PLXDC2: variants seen among roughly 807,000 people sequenced by gnomAD.
PLXDC2 encodes the protein plexin domain-containing protein 2.
Under a neutral mutation model 68.9 loss-of-function variants are expected in PLXDC2, and 40 were observed. That is an observed-to-expected ratio of 0.58 (90% CI 0.45 to 0.76). The LOEUF (loss-of-function observed/expected upper bound fraction) is 0.76, where lower values mean the gene tolerates loss of function less well. Among genes scored for constraint, PLXDC2 ranks in the 30% least tolerant of loss-of-function variants. The pLI is 0.00. For missense variants in PLXDC2, 644 were observed against 661.9 expected (o/e 0.97, Z 0.30); for synonymous variants, 243 against 234.2 (o/e 1.04, Z -0.34).
intron 1 of PLXDC2, among the ~76,000 whole-genome samples, chr10:19,993,797 T>A (rs1834793291): frequency 6.6e-6 from 1 of 152,186 alleles, no homozygotes; most frequent in African/African-American, 2.4e-5. Context: ...ATTTTTTAAA[T>A]TGCCAAATGT....
chr10:19,967,723 C>A (rs1453209956), intron 1 of PLXDC2, among the ~76,000 whole-genome samples: 1 of 152,154 alleles, frequency 6.6e-6, no homozygotes, highest in Non-Finnish European at 1.5e-5. Flanking sequence ...AGCAGCACGA[C>A]TTGCTTTCTT....
At chr10:19,898,991 A>G (rs1838112784) in intron 1 of PLXDC2, among the ~76,000 whole-genome samples, 1 of 152,214 alleles carries the variant, frequency 6.6e-6, no homozygotes, top group Non-Finnish European at 1.5e-5. Flanking sequence ...GAATACAAAA[A>G]GAGAAATAGA....
At chr10:20,213,471 A>T (rs1477036014) in intron 10 of PLXDC2, among the ~76,000 whole-genome samples, 1 of 151,996 alleles carries the variant, frequency 6.6e-6, no homozygotes, top group African/African-American at 2.4e-5. Context: ...AAATCTCCTT[A>T]CTTTTTCTTC....
At chr10:20,133,133 T>G (rs1833889218) in intron 4 of PLXDC2, among the ~76,000 whole-genome samples, 1 of 152,190 alleles carries the variant, frequency 6.6e-6, no homozygotes, top group Non-Finnish European at 1.5e-5. Context: ...TGTAGATGAC[T>G]TCACAATTTT....
At chr10:19,945,364 G>A (rs1031198284) in intron 1 of PLXDC2, among the ~76,000 whole-genome samples, 3 of 152,156 alleles carry the variant, frequency 2.0e-5, no homozygotes, top group Admixed American at 1.3e-4. Flanking sequence ...AAATCTTGAC[G>A]TGCTTGTAGC....
At chr10:19,994,927 A>G (rs35851946) in intron 1 of PLXDC2, among the ~76,000 whole-genome samples, 2 of 151,720 alleles carry the variant, frequency 1.3e-5, no homozygotes, top group African/African-American at 2.4e-5. Context: ...TATTTTTAGT[A>G]GAGACGGGGT....
chr10:20,221,944 G>T (rs1588526390), intron 12 of PLXDC2, among the ~76,000 whole-genome samples: 1 of 152,194 alleles, frequency 6.6e-6, no homozygotes, highest in East Asian at 1.9e-4. Flanking sequence ...TTTAAAATAA[G>T]TTTTATTATG....
chr10:20,045,791 T>G (rs1225828669), intron 2 of PLXDC2, among the ~76,000 whole-genome samples: 1 of 152,194 alleles, frequency 6.6e-6, no homozygotes, highest in Non-Finnish European at 1.5e-5. Flanking sequence ...CAACATTTTT[T>G]CTTACATTTA....
At chr10:20,254,199 G>A (rs907306643) in intron 13 of PLXDC2, among the ~76,000 whole-genome samples, 2 of 152,162 alleles carry the variant, frequency 1.3e-5, no homozygotes, top group African/African-American at 4.8e-5. Flanking sequence ...AAGAACCTGT[G>A]GAGAATATGA....
At chr10:19,825,919 C>T (rs561406779) in intron 1 of PLXDC2, among the ~76,000 whole-genome samples, 24 of 152,120 alleles carry the variant, frequency 1.6e-4, no homozygotes, top group South Asian at 2.1e-4. Flanking sequence ...GCATAGCTGG[C>T]GGGAGCAAGT....
chr10:20,168,241 T>A (rs542308722), intron 7 of PLXDC2, among the ~76,000 whole-genome samples: 1 of 152,290 alleles, frequency 6.6e-6, no homozygotes, highest in African/African-American at 2.4e-5. Flanking sequence ...CATGAAACAT[T>A]AAACTTTTAA....
At position 20,197,101 on chromosome 10, in the gene PLXDC2, A is replaced by T. The variant is rs12262450; in HGVS notation, c.1062-14568A>T. ...ACTTTTAGTTAACTGGAAATATAGCAGTGTTGTTTAATGGAATAGTCACTT... is the reference window on the plus strand; with the variant it reads ...ACTTTTAGTTAACTGGAAATATAGCTGTGTTGTTTAATGGAATAGTCACTT... On this transcript the variant is annotated intron_variant, in intron 9 of 13. Coordinates refer to ENST00000377252, the MANE Select transcript of PLXDC2 (RefSeq NM_032812.9). 8.6e-3 allele frequency among the ~76,000 whole-genome samples: 1,312 copies of T among 152,290 alleles called. 18 individuals carry two copies. Among genetic ancestry groups the T allele is most frequent in the African/African-American group, 0.029 (1,212 of 41,562 alleles).
At chr10:19,823,898 C>T (rs898247760) in intron 1 of PLXDC2, among the ~76,000 whole-genome samples, 2 of 152,048 alleles carry the variant, frequency 1.3e-5, no homozygotes, top group Admixed American at 6.6e-5. Flanking sequence ...GTCCCAGCTA[C>T]TTGGTAGGCT....
chr10:20,094,474 C>T (rs1356890205), intron 4 of PLXDC2, among the ~76,000 whole-genome samples: 1 of 152,028 alleles, frequency 6.6e-6, no homozygotes, highest in African/African-American at 2.4e-5. Flanking sequence ...ATTGTGCTCT[C>T]GAAGTGATTC....
chr10:19,999,463 G>GT (rs1168168997), intron 1 of PLXDC2, among the ~76,000 whole-genome samples: 3 of 149,244 alleles, frequency 2.0e-5, no homozygotes, highest in African/African-American at 7.3e-5. Context: ...TAGTGTGTAT[G>GT]TTTTTTAAAT....
chr10:19,876,458 C>T (rs1300685709), intron 1 of PLXDC2, among the ~76,000 whole-genome samples: 7 of 151,766 alleles, frequency 4.6e-5, no homozygotes, highest in South Asian at 2.1e-4. Flanking sequence ...AGCAATTAGC[C>T]GGGCGTGGTG....
chr10:20,279,937 C>A lies in PLXDC2; in HGVS notation c.*118C>A. The A allele has an allele frequency of 1.3e-6, 1 of 750,452 alleles. No individual in the cohort carries two copies. Among genetic ancestry groups the A allele is most frequent in the Non-Finnish European group, 2.2e-6 (1 of 449,074 alleles). The allele number at this position is 750,452 out of a possible 1,614,324, so 46.5% of individuals were successfully genotyped here. On this transcript the variant is annotated 3_prime_UTR_variant, in exon 14 of 14. Coordinates refer to ENST00000377252, the MANE Select transcript of PLXDC2 (RefSeq NM_032812.9). The stretch of plus-strand genomic sequence containing the variant: ...ACAAACAAGCTCTAAGCTGCTGTAG[C>A]CTGAAGAAGACAAGATTTCTGGACA...
intron 4 of PLXDC2, among the ~76,000 whole-genome samples, chr10:20,103,711 G>A (rs1274178287): frequency 6.7e-6 from 1 of 148,982 alleles, no homozygotes; most frequent in African/African-American, 2.5e-5. Flanking sequence ...GCACGATCTC[G>A]GCTCACTGTA....
At chr10:20,186,244 C>T (rs1194348491) in intron 9 of PLXDC2, among the ~76,000 whole-genome samples, 1 of 151,840 alleles carries the variant, frequency 6.6e-6, no homozygotes, top group East Asian at 1.9e-4. Flanking sequence ...TCATCATAGA[C>T]AGAAAGAGAG....
Sources: gnomAD v4.1 joint callset for allele counts (sites outside exome capture counted in the v4.1 genomes callset) on GRCh38, gnomAD v4.1.1 for gene constraint, MANE v1.5 for transcripts, NCBI Gene and HGNC (gene_info 2026-07-23, HGNC 2026-07-21) for gene names.